VPS13D: variants seen among roughly 807,000 people sequenced by gnomAD.
VPS13D encodes vacuolar protein sorting 13 homolog D.
A neutral mutation model predicts 461.9 loss-of-function variants in VPS13D; 187 were observed. That is an observed-to-expected ratio of 0.40 (90% CI 0.36 to 0.46). The LOEUF is 0.46. VPS13D is among the 20% of genes least tolerant of loss of function. The probability of loss-of-function intolerance (pLI) is 0.60; values close to 1 mark genes in which losing one functional copy is unlikely to be tolerated. For missense variants in VPS13D, 4,711 were observed against 5,364.9 expected (o/e 0.88, Z 3.81); for synonymous variants, 1,951 against 1,986.3 (o/e 0.98, Z 0.47).
intron 63 of VPS13D, among the ~76,000 whole-genome samples, chr1:12,414,355 C>T (rs1263818689): frequency 6.6e-6 from 1 of 151,968 alleles, no homozygotes; most frequent in Non-Finnish European, 1.5e-5. Flanking sequence ...CCTGAAACAA[C>T]CCAACTTTTG....
At chr1:12,455,160 A>T (rs1326038972) in intron 65 of VPS13D, among the ~76,000 whole-genome samples, 1 of 152,214 alleles carries the variant, frequency 6.6e-6, no homozygotes, top group Non-Finnish European at 1.5e-5. Flanking sequence ...ACGGTGACCT[A>T]ACCTGTTAAT....
rs760826113 is a variant in VPS13D at position 12,323,769 on chromosome 1, T to G, written c.7979T>G (p.Leu2660Trp). 4 of 1,614,128 alleles carry G rather than the reference T, an allele frequency of 2.5e-6. No individual in the cohort carries two copies. Among genetic ancestry groups the G allele is most frequent in the South Asian group, 2.2e-5 (2 of 91,080 alleles). The change falls in exon 35 of 70, where the codon TTG becomes TGG. Residue 2660 changes from leucine (L) to tryptophan (W), a missense_variant. Leu to Trp is a moderately conservative substitution (Grantham distance 61). Coordinates refer to ENST00000620676, the MANE Select transcript of VPS13D (RefSeq NM_015378.4). ...ATGGATGATTGTCGCAAAGCTCTTT[T>G]GGCGTGTCAAGGTAATTTGAACAGG... The part of the protein sequence containing the change: ...FSMDDCRKAL[L>W]ACQGQLKKAA...
intron 36 of VPS13D, among the ~76,000 whole-genome samples, 172 bp downstream of exon 36, chr1:12,328,026 G>A (rs975824425): frequency 6.6e-6 from 1 of 150,798 alleles, no homozygotes; most frequent in Non-Finnish European, 1.5e-5. Flanking sequence ...ACTTTTATTT[G>A]CCATATGTGG....
At chr1:12,503,638 TG>T (rs1557482416) in intron 68 of VPS13D, among the ~76,000 whole-genome samples, 1 of 152,252 alleles carries the variant, frequency 6.6e-6, no homozygotes, top group Non-Finnish European at 1.5e-5. Context: ...AAAGCTTATC[TG>T]ATGCTGTGTG....
chr1:12,476,368 T>G (rs1314209703), intron 67 of VPS13D, among the ~76,000 whole-genome samples: 1 of 152,234 alleles, frequency 6.6e-6, no homozygotes, highest in Non-Finnish European at 1.5e-5. Flanking sequence ...TTTCCAAATT[T>G]TAATATATCA....
At chr1:12,481,970 G>A (rs1394852095) in intron 67 of VPS13D, among the ~76,000 whole-genome samples, 1 of 152,196 alleles carries the variant, frequency 6.6e-6, no homozygotes, top group Non-Finnish European at 1.5e-5. Flanking sequence ...GTCCATTTGG[G>A]ACCAGCCAGC....
At position 12,279,044 on chromosome 1, in the gene VPS13D, C is replaced by T. The variant is rs1641702705; in HGVS notation, c.4451-455C>T. On this transcript the variant is annotated intron_variant, in intron 19 of 69. Coordinates refer to ENST00000620676, the MANE Select transcript of VPS13D (RefSeq NM_015378.4). This position sits in a 1 kb window ranked among gnomAD's most constrained non-coding sequence, Gnocchi z 4.3. ...TATACTTATCAAAAGATAGCTTTCT[C>T]TGCTTGGATAAAAGTTGTTTACTTA... Among the ~76,000 whole-genome samples, 1 of 152,138 alleles carries T rather than the reference C, an allele frequency of 6.6e-6. No homozygotes were observed.
chr1:12,260,631 A>G, intron 10 of VPS13D, 62 bp from the exon 11 acceptor site: 2 of 1,401,564 alleles, frequency 1.4e-6, no homozygotes, highest in Non-Finnish European at 2.0e-6. Flanking sequence ...GAGGGTGTCC[A>G]GTGTCTCTGG....
Position 12,279,510 on chromosome 1 carries a change from C to T in VPS13D, c.4462C>T (p.Leu1488=). 6.3e-7 allele frequency: 1 copy of T among 1,594,894 alleles called. No individual in the cohort carries two copies. The highest frequency in any genetic ancestry group is 8.6e-7 in the Non-Finnish European group (1 of 1,166,984). Residue 1488 remains leucine (L), a synonymous_variant, in exon 20 of 70, where the codon CTG becomes TTG. Transcript: ENST00000620676. This position sits in a 1 kb window ranked among gnomAD's most constrained non-coding sequence, Gnocchi z 4.3. The stretch of plus-strand genomic sequence containing the variant: ...CTCTTTTATGCCAGCTTTTCACATC[C>T]TGAACAACACCACCATTCAGTTTAA... ...SLHRGQAFHI[L]NNTTIQFKLE...
At chr1:12,491,900 C>T (rs1390260150) in intron 67 of VPS13D, among the ~76,000 whole-genome samples, 8 of 152,228 alleles carry the variant, frequency 5.3e-5, no homozygotes, top group Non-Finnish European at 7.3e-5. Flanking sequence ...CAAGCTCCAG[C>T]TGGCAGCAAT....
intron 32 of VPS13D, among the ~76,000 whole-genome samples, chr1:12,321,053 G>T (rs575563140): frequency 1.3e-5 from 2 of 152,112 alleles, no homozygotes; most frequent in Non-Finnish European, 2.9e-5. Flanking sequence ...TTTTCTTTCC[G>T]CTGTGCTCTT....
rs1553184244 is a variant in VPS13D, at chr1:12,367,553, A to AATTAATTAATTT, written c.10449-912_10449-911insAATTAATTTATT. On this transcript the variant is annotated intron_variant, in intron 52 of 69. Transcript: ENST00000620676. ...CTTATTACATTGGTGGTTGCGATGA[A>AATTAATTAATTT]ATTTATTTATTTATTTATTTATTTA... The AATTAATTAATTT allele has an allele frequency of 5.6e-4, 83 of 148,964 alleles. 2 individuals carry two copies. The highest frequency in any genetic ancestry group is 2.0e-3 in the African/African-American group (81 of 39,768). The allele number at this position is 148,964 out of a possible 1,614,324, so 9.2% of individuals were successfully genotyped here.
intron 65 of VPS13D, among the ~76,000 whole-genome samples, chr1:12,430,227 A>G (rs910865870): frequency 6.6e-6 from 1 of 152,208 alleles, no homozygotes; most frequent in Non-Finnish European, 1.5e-5. Flanking sequence ...ATAGCAATTC[A>G]ACCTTTGTAG....
chr1:12,297,864 C>G (rs535031215), intron 24 of VPS13D, among the ~76,000 whole-genome samples: 1 of 152,130 alleles, frequency 6.6e-6, no homozygotes, highest in Non-Finnish European at 1.5e-5. Context: ...AGGCGGTGGT[C>G]GGCAGATGTG....
At chr1:12,266,792 A>G (rs1175325052) in intron 13 of VPS13D, 89 bp from the exon 14 acceptor site, 1 of 1,179,626 alleles carries the variant, frequency 8.5e-7, no homozygotes, top group Non-Finnish European at 1.1e-6. Context: ...ATCTATAATA[A>G]TCTTCTGTAA....
chr1:12,276,906 G>A lies in VPS13D; in HGVS notation c.3318G>A (p.Gln1106=). Residue 1106 remains glutamine (Q), a synonymous_variant, in exon 19 of 70, where the codon CAG becomes CAA. Transcript: ENST00000620676. The surrounding 1 kb of genome is among the most constrained non-coding windows in gnomAD (Gnocchi z 4.5). The part of the protein sequence containing the change: ...LDSTLQVISL[Q]VNNLDIILNP... ...GTACTCTTCAGGTGATTTCCCTACA[G>A]GTGAATAATTTAGATATTATCCTCA... The A allele has an allele frequency of 6.2e-7, 1 of 1,614,174 alleles. No homozygotes were observed. The highest frequency in any genetic ancestry group is 8.5e-7 in the Non-Finnish European group (1 of 1,180,038).
At chr1:12,249,185 C>T (rs199796092) in intron 5 of VPS13D, 38 bp from the exon 6 acceptor site, 1 of 1,465,376 alleles carries the variant, frequency 6.8e-7, no homozygotes. Context: ...CACTATTCTG[C>T]AGGTGCATCA....
rs769573733 is a variant in VPS13D at position 12,321,907 on chromosome 1, A to G, written c.7647A>G (p.Gln2549=). The G allele has an allele frequency of 6.2e-7, 1 of 1,613,760 alleles. No homozygotes were observed. Among genetic ancestry groups the G allele is most frequent in the South Asian group, 1.1e-5 (1 of 90,962 alleles). Residue 2549 remains glutamine (Q), a synonymous_variant, in exon 33 of 70, where the codon CAA becomes CAG. Transcript: ENST00000620676. The part of the protein sequence containing the change: ...QMELVGNSSY[Q]NSSGLMDAFN... ...AGTTGGTGGGGAATTCTTCTTATCAAAATAGTTCAGGATTGATGGATGCAT... is the reference window on the plus strand; with the variant it reads ...AGTTGGTGGGGAATTCTTCTTATCAGAATAGTTCAGGATTGATGGATGCAT...
chr1:12,238,576 T>C (rs1406577935), intron 2 of VPS13D, among the ~76,000 whole-genome samples: 1 of 151,840 alleles, frequency 6.6e-6, no homozygotes, highest in African/African-American at 2.4e-5. Flanking sequence ...TTAAATGAGA[T>C]AATGTGTATG....
Sources: allele counts gnomAD v4.1 joint callset (sites outside exome capture counted in the v4.1 genomes callset), GRCh38; gene constraint gnomAD v4.1.1; non-coding constraint Gnocchi (gnomAD v3.1); transcripts MANE v1.5; gene names NCBI Gene and HGNC (gene_info 2026-07-23, HGNC 2026-07-21).